The following DACH1 variants were observed in gnomAD, a reference collection of about 807,000 sequenced individuals.
DACH1 encodes the protein dachshund family transcription factor 1.
DACH1 carries 12 observed loss-of-function variants against 54.2 expected under a neutral mutation model. That is an observed-to-expected ratio of 0.22 (90% confidence interval 0.14 to 0.36). DACH1 has a LOEUF of 0.36. Among genes scored for constraint, DACH1 ranks in the 10% least tolerant of loss-of-function variants. The pLI is 1.00. For synonymous variants in DACH1, 386 were observed against 366.2 expected, an observed-to-expected ratio of 1.05 and a Z score of -0.62; for missense variants, 805 against 929.8, an observed-to-expected ratio of 0.87 and a Z score of 1.75.
chr13:71,820,105 GAA>G lies in DACH1; in HGVS notation c.848+45815_848+45816del, dbSNP rs59126150. ...AACATAGGGAGATCCTGCCTCTACC[GAA>G]AAAAAAAAAAAAAAAAAAAAAGAAT... On this transcript the variant is annotated intron_variant, in intron 1 of 10. Transcript: ENST00000613252. 7.6e-3 allele frequency among the ~76,000 whole-genome samples: 410 copies of G among 54,108 alleles called. 1 individual carries two copies. Among genetic ancestry groups the G allele is most frequent in the Middle Eastern group, 0.048 (2 of 42 alleles). 35.5% of individuals were successfully genotyped at this position (54,108 alleles called of 152,430 possible). A position where few individuals can be genotyped will look rare whatever the true frequency, so the allele number is the denominator to read the frequency against.
At chr13:71,627,917 A>C (rs997580214) in intron 3 of DACH1, among the ~76,000 whole-genome samples, 1 of 152,072 alleles carries the variant, frequency 6.6e-6, no homozygotes, top group African/African-American at 2.4e-5. Context: ...TTCCAGGAGG[A>C]CAGATTTGAA....
chr13:71,642,431 A>G (rs770386559), intron 2 of DACH1, among the ~76,000 whole-genome samples: 22 of 152,216 alleles, frequency 1.4e-4, no homozygotes, highest in Non-Finnish European at 2.4e-4. Flanking sequence ...GTAAACATCA[A>G]TTCTGATTCT....
At chr13:71,552,824 TATATATATATATATATATAGAGAG>T (rs1359865789) in intron 6 of DACH1, among the ~76,000 whole-genome samples, 19 of 51,000 alleles carry the variant, frequency 3.7e-4, no homozygotes, top group Middle Eastern at 0.012. Flanking sequence ...TATATATATA[TATATATATATATATATATAGAGAG>T]AGAGAGAGAG....
intron 3 of DACH1, among the ~76,000 whole-genome samples, chr13:71,608,463 T>C (rs932473924): frequency 1.3e-5 from 2 of 152,034 alleles, no homozygotes; most frequent in Non-Finnish European, 2.9e-5. Context: ...ATCATACCAA[T>C]AGTCTGGTGA....
chr13:71,823,393 G>A (rs1391794292), intron 1 of DACH1, among the ~76,000 whole-genome samples: 1 of 151,990 alleles, frequency 6.6e-6, no homozygotes, highest in Non-Finnish European at 1.5e-5. Flanking sequence ...AATGACAATG[G>A]AACTTTAGAG....
At chr13:71,798,028 G>T (rs2138114574) in intron 1 of DACH1, among the ~76,000 whole-genome samples, 1 of 152,042 alleles carries the variant, frequency 6.6e-6, no homozygotes, top group East Asian at 1.9e-4. Flanking sequence ...GTCCCCAGAT[G>T]AAATGTAACC....
intron 2 of DACH1, among the ~76,000 whole-genome samples, chr13:71,650,205 A>T (rs1021165533): frequency 2.6e-5 from 4 of 152,220 alleles, no homozygotes; most frequent in Non-Finnish European, 5.9e-5. Context: ...ATATTCTCTA[A>T]GAACAAATCA....
chr13:71,484,614 A>C (rs1322081587), intron 7 of DACH1, among the ~76,000 whole-genome samples: 1 of 152,140 alleles, frequency 6.6e-6, no homozygotes, highest in Admixed American at 6.5e-5. Flanking sequence ...TCCTAACTAA[A>C]TTTTATATTC....
At chr13:71,519,907 A>C (rs1398998422) in intron 6 of DACH1, among the ~76,000 whole-genome samples, 4 of 137,644 alleles carry the variant, frequency 2.9e-5, no homozygotes, top group Non-Finnish European at 4.8e-5. Context: ...ATATATATAT[A>C]TCCTAACTAA....
chr13:71,519,256 T>A (rs1423373044), intron 6 of DACH1, among the ~76,000 whole-genome samples: 1 of 151,880 alleles, frequency 6.6e-6, no homozygotes, highest in Non-Finnish European at 1.5e-5. Flanking sequence ...AATGAGCTGA[T>A]AGCATTATTT....
At position 71,515,295 on chromosome 13, in the gene DACH1, C is replaced by T. The variant is rs1881076500; in HGVS notation, c.1571-26147G>A. ...CATAATGAAAATATAAAGACAACAT[C>T]AGGATCTCTGACAGCTTATTTTAGG... On this transcript the variant is annotated intron_variant, in intron 6 of 10. Coordinates refer to ENST00000613252, the MANE Select transcript of DACH1 (RefSeq NM_080759.6). Among the ~76,000 whole-genome samples the T allele has an allele frequency of 2.0e-5, 3 of 151,854 alleles. No homozygotes were observed. The South Asian group carries it at 6.2e-4, about 31-fold the overall frequency.
intron 1 of DACH1, among the ~76,000 whole-genome samples, chr13:71,762,912 T>C (rs1016543802): frequency 1.3e-5 from 2 of 152,108 alleles, no homozygotes; most frequent in African/African-American, 4.8e-5. Context: ...TTCCAAGTCA[T>C]GTAAAAATGC....
At chr13:71,463,984 T>C (rs1450984746) in intron 10 of DACH1, among the ~76,000 whole-genome samples, 2 of 152,020 alleles carry the variant, frequency 1.3e-5, no homozygotes, top group Non-Finnish European at 2.9e-5. Flanking sequence ...CTTTAGCAGA[T>C]AGATTTAGAA....
chr13:71,654,848 A>C (rs1258265244), intron 2 of DACH1, among the ~76,000 whole-genome samples: 2 of 152,196 alleles, frequency 1.3e-5, no homozygotes, highest in Non-Finnish European at 2.9e-5. Context: ...AAAATGATAA[A>C]ATGTTTATTT....
At chr13:71,557,230 C>A in intron 5 of DACH1, 72 bp from the exon 6 acceptor site, 2 of 1,394,058 alleles carry the variant, frequency 1.4e-6, no homozygotes, top group South Asian at 2.9e-5. Flanking sequence ...TCCAATAAGT[C>A]AATTAAACTC....
intron 1 of DACH1, 76 bp from the exon 2 acceptor site, chr13:71,681,986 A>G (rs1880933802): frequency 1.3e-6 from 1 of 799,966 alleles, no homozygotes; most frequent in East Asian, 2.7e-5. Flanking sequence ...TTCAAGTGGT[A>G]ACATGGACTG....
At chr13:71,702,647 T>A (rs1243894525) in intron 1 of DACH1, among the ~76,000 whole-genome samples, 1 of 152,128 alleles carries the variant, frequency 6.6e-6, no homozygotes, top group Non-Finnish European at 1.5e-5. Context: ...TACCCTAACA[T>A]CTTTCCTGAA....
chr13:71,756,702 AC>A (rs1036923592), intron 1 of DACH1, among the ~76,000 whole-genome samples: 13 of 152,274 alleles, frequency 8.5e-5, no homozygotes, highest in Admixed American at 2.0e-4. Context: ...ATAATACAAA[AC>A]AATCATCTTT....
At chr13:71,475,258 T>C (rs1172689781) in intron 9 of DACH1, 49 bp from the exon 10 acceptor site, 1 of 1,464,308 alleles carries the variant, frequency 6.8e-7, no homozygotes, top group Non-Finnish European at 9.5e-7. Context: ...TTGATTCCTA[T>C]TGTCCTTTAA....
Sources: gnomAD v4.1 joint callset for allele counts (sites outside exome capture counted in the v4.1 genomes callset) on GRCh38, gnomAD v4.1.1 for gene constraint, MANE v1.5 for transcripts, NCBI Gene and HGNC (gene_info 2026-07-23, HGNC 2026-07-21) for gene names.